The following SLC4A7 variants were observed in gnomAD, a reference collection of about 807,000 sequenced individuals.
SLC4A7 encodes the protein solute carrier family 4 member 7.
SLC4A7 carries 51 observed loss-of-function variants against 137.6 expected under a neutral mutation model. That is an observed-to-expected ratio of 0.37 (90% confidence interval 0.30 to 0.47). The LOEUF (loss-of-function observed/expected upper bound fraction) is 0.47, where lower values mean the gene tolerates loss of function less well. Among genes scored for constraint, SLC4A7 ranks in the 20% least tolerant of loss-of-function variants. SLC4A7 has a pLI of 1.00. For missense variants in SLC4A7, 1,247 were observed against 1,525.4 expected (o/e 0.82, Z 3.04); for synonymous variants, 542 against 518.6 (o/e 1.05, Z -0.61).
At chr3:27,405,286 C>A (rs1325792754) in intron 13 of SLC4A7, among the ~76,000 whole-genome samples, 1 of 152,028 alleles carries the variant, frequency 6.6e-6, no homozygotes, top group Admixed American at 6.6e-5. Flanking sequence ...AAAGGAAATG[C>A]TCATTAGAGC....
In SLC4A7 at chr3:27,411,818, G is replaced by A. The variant is rs912385680; in HGVS notation, c.1660-70C>T. 7.8e-6 allele frequency: 5 copies of A among 639,122 alleles called. No individual in the cohort carries two copies. The African/African-American group carries it at 9.4e-5, about 12-fold the overall frequency. 39.6% of individuals were successfully genotyped at this position (639,122 alleles called of 1,614,324 possible). A position where few individuals can be genotyped will look rare whatever the true frequency, so the allele number is the denominator to read the frequency against. ...AAACTTGAGATGGCATCTTCAATTA[G>A]AGTGAATATCAGATTTTATATTGAT... On this transcript the variant is annotated intron_variant, in intron 11 of 25. Coordinates refer to ENST00000454389, the MANE Select transcript of SLC4A7 (RefSeq NM_001321103.2).
intron 13 of SLC4A7, among the ~76,000 whole-genome samples, chr3:27,407,422 G>A (rs2053486744): frequency 6.6e-6 from 1 of 151,096 alleles, no homozygotes. Context: ...GGAGGTTGCA[G>A]TGAGCTGAGA....
chr3:27,453,223 C>T (rs2058192996), intron 1 of SLC4A7, among the ~76,000 whole-genome samples: 1 of 152,180 alleles, frequency 6.6e-6, no homozygotes, highest in South Asian at 2.1e-4. Flanking sequence ...TAATAACTTT[C>T]AAAAGGACAT....
intron 14 of SLC4A7, among the ~76,000 whole-genome samples, chr3:27,403,995 AAG>A (rs2053070289): frequency 6.6e-6 from 1 of 152,222 alleles, no homozygotes; most frequent in South Asian, 2.1e-4. Flanking sequence ...GAATCAGAAA[AAG>A]AGAGCTGGAT....
At chr3:27,450,069 C>T (rs1036316508) in intron 2 of SLC4A7, among the ~76,000 whole-genome samples, 3 of 152,136 alleles carry the variant, frequency 2.0e-5, no homozygotes, top group Admixed American at 2.0e-4. Context: ...AGTTGCCTGA[C>T]ACTCATGTTC....
chr3:27,456,776 T>C (rs2058437071), intron 1 of SLC4A7: 2 of 1,558,014 alleles, frequency 1.3e-6, no homozygotes, highest in African/African-American at 1.4e-5. Context: ...TTTAGGTCAC[T>C]GTGCTTTGCA....
chr3:27,471,069 T>C (rs1432082302), intron 1 of SLC4A7, among the ~76,000 whole-genome samples: 2 of 152,220 alleles, frequency 1.3e-5, no homozygotes, highest in Non-Finnish European at 2.9e-5. Flanking sequence ...AAGCAGAATA[T>C]ACCTCTTTAC....
At chr3:27,443,005 G>A (rs542547712) in intron 3 of SLC4A7, among the ~76,000 whole-genome samples, 1 of 149,894 alleles carries the variant, frequency 6.7e-6, no homozygotes, top group Non-Finnish European at 1.5e-5. Context: ...TAGCCACCGC[G>A]CTGGGCATTC....
At chr3:27,422,893 A>G (rs2055144311) in intron 8 of SLC4A7, 2 of 439,940 alleles carry the variant, frequency 4.5e-6, no homozygotes, top group South Asian at 3.2e-5. Flanking sequence ...AGTAAAAAAA[A>G]GTAAGACTGT....
rs532203294 is a variant in SLC4A7 at position 27,468,738 on chromosome 3, C to T, written c.60+15329G>A. Among the ~76,000 whole-genome samples, 3 of 151,894 alleles carry T rather than the reference C, an allele frequency of 2.0e-5. No homozygotes were observed. The East Asian group carries it at 5.8e-4, about 29-fold the overall frequency. On this transcript the variant is annotated intron_variant, in intron 1 of 25. Transcript: ENST00000454389. ...TAACAATATTTATACAAATGATAGG[C>T]TAAAAAAAATTAAACAAGATGTTGC... is the stretch of plus-strand genomic sequence containing the variant.
At chr3:27,400,901 G>T (rs1553684298) in intron 15 of SLC4A7, 32 bp from the exon 16 acceptor site, 5 of 1,190,430 alleles carry the variant, frequency 4.2e-6, no homozygotes, top group Non-Finnish European at 6.2e-6. Context: ...CATTTTTAAG[G>T]ATCCTGAATT....
At chr3:27,452,182 C>G (rs917434227) in intron 2 of SLC4A7, among the ~76,000 whole-genome samples, 3 of 152,026 alleles carry the variant, frequency 2.0e-5, no homozygotes, top group Non-Finnish European at 2.9e-5. Flanking sequence ...TGACTGTGTC[C>G]TTTCAGTTTT....
intron 23 of SLC4A7, 119 bp from the exon 24 acceptor site, chr3:27,383,369 C>T (rs1005226392): frequency 3.0e-5 from 21 of 708,832 alleles, no homozygotes; most frequent in Admixed American, 2.1e-4. Flanking sequence ...ATATAACTGC[C>T]ATTACTGAAA....
At chr3:27,386,981 T>C (rs1459043318) in intron 22 of SLC4A7, among the ~76,000 whole-genome samples, 2 of 152,182 alleles carry the variant, frequency 1.3e-5, no homozygotes, top group South Asian at 2.1e-4. Context: ...TTTAATGAAA[T>C]AACCTGCTTA....
At chr3:27,421,330 T>A (rs2054954100) in intron 9 of SLC4A7, among the ~76,000 whole-genome samples, 1 of 151,932 alleles carries the variant, frequency 6.6e-6, no homozygotes, top group African/African-American at 2.4e-5. Context: ...ACACCATATC[T>A]ACTACAAATA....
At chr3:27,465,852 G>C (rs970008867) in intron 1 of SLC4A7, among the ~76,000 whole-genome samples, 2 of 151,528 alleles carry the variant, frequency 1.3e-5, no homozygotes, top group Non-Finnish European at 2.9e-5. Flanking sequence ...TACTCGGGAG[G>C]CTGAGGCAGG....
At chr3:27,397,558 T>C in intron 18 of SLC4A7, 126 bp downstream of exon 18, 2 of 626,854 alleles carry the variant, frequency 3.2e-6, no homozygotes, top group Non-Finnish European at 2.8e-6. Flanking sequence ...ATTATTTCCT[T>C]TCAAAGCATC....
intron 7 of SLC4A7, chr3:27,428,424 A>G (rs1057112075): frequency 2.3e-4 from 35 of 154,440 alleles, no homozygotes; most frequent in African/African-American, 7.7e-4. Context: ...CTATAAAACA[A>G]TGGCAGCCAT....
chr3:27,435,853 TAA>T (rs958300899), intron 5 of SLC4A7, among the ~76,000 whole-genome samples: 4 of 149,012 alleles, frequency 2.7e-5, no homozygotes, highest in African/African-American at 9.9e-5. Flanking sequence ...ATCCCCCCCT[TAA>T]AAAAAAAATC....
Sources: allele counts gnomAD v4.1 joint callset (sites outside exome capture counted in the v4.1 genomes callset), GRCh38; gene constraint gnomAD v4.1.1; transcripts MANE v1.5; gene names NCBI Gene and HGNC (gene_info 2026-07-23, HGNC 2026-07-21).